The following NUP98 variants were observed in gnomAD, a reference collection of about 807,000 sequenced individuals.
The protein encoded by NUP98 is nucleoporin 98 and 96 precursor.
A neutral mutation model predicts 191.9 loss-of-function variants in NUP98; 26 were observed. The ratio of observed to expected loss-of-function variants is 0.14; its 90% CI spans 0.10 to 0.19. NUP98 has a LOEUF of 0.19. Ranked by LOEUF, NUP98 falls within the 10% of genes least tolerant of loss-of-function variation. The probability of loss-of-function intolerance (pLI) is 1.00; values close to 1 mark genes in which losing one functional copy is unlikely to be tolerated. For synonymous variants in NUP98, 808 were observed against 778.4 expected (o/e 1.04, Z -0.63); for missense variants, 1,941 against 2,178.8 (o/e 0.89, Z 2.17).
At position 3,676,165 on chromosome 11, in the gene NUP98, G is replaced by A; in HGVS notation, c.5397C>T (p.Ser1799=). ...QSYLRELAVG[S]L is the part of the protein sequence containing the mutation. ...GATGCAAAGTGCCTGGGGCTCACAG[G>A]CTCCCAACAGCCAGTTCTCGCAGAT... Residue 1799 remains serine (S), a synonymous_variant, in exon 33 of 33, where the codon AGC becomes AGT. Transcript: ENST00000324932. The A allele has an allele frequency of 6.2e-7, 1 of 1,613,840 alleles. No homozygotes were observed. The highest frequency in any genetic ancestry group is 8.5e-7 in the Non-Finnish European group (1 of 1,179,920).
chr11:3,716,566 G>A (rs558673500), intron 18 of NUP98, among the ~76,000 whole-genome samples: 17 of 152,064 alleles, frequency 1.1e-4, no homozygotes, highest in Admixed American at 3.9e-4. Context: ...AAAATTAGCC[G>A]GGCGTGGTGG....
intron 1 of NUP98, among the ~76,000 whole-genome samples, chr11:3,793,837 G>T (rs56379213): frequency 2.0e-5 from 3 of 151,932 alleles, no homozygotes. Context: ...GGGTGTGGTG[G>T]CACGCACCTG....
chr11:3,678,693 TAA>T, intron 31 of NUP98, among the ~76,000 whole-genome samples: 1 of 152,196 alleles, frequency 6.6e-6, no homozygotes, highest in African/African-American at 2.4e-5. Flanking sequence ...GAACGTGGAA[TAA>T]GAGTGGTAGG....
chr11:3,746,919 A>C (rs112257953), intron 11 of NUP98, among the ~76,000 whole-genome samples: 2,851 of 152,130 alleles, frequency 0.019, 89 homozygotes, highest in African/African-American at 0.065. Context: ...GTCTCAAAAA[A>C]AAAAAAAAAA....
At chr11:3,726,259 T>C (rs1303298622) in intron 14 of NUP98, among the ~76,000 whole-genome samples, 2 of 151,752 alleles carry the variant, frequency 1.3e-5, no homozygotes, top group Non-Finnish European at 2.9e-5. Flanking sequence ...TTTAAATGCA[T>C]ATATTTGAAA....
chr11:3,792,907 C>T (rs979174568), intron 1 of NUP98, among the ~76,000 whole-genome samples: 15 of 151,856 alleles, frequency 9.9e-5, no homozygotes, highest in Non-Finnish European at 2.2e-4. Flanking sequence ...TCACTTGAGG[C>T]CAGGAGTTCA....
chr11:3,769,629 T>C (rs957283484), intron 7 of NUP98, among the ~76,000 whole-genome samples: 2 of 142,014 alleles, frequency 1.4e-5, no homozygotes, highest in African/African-American at 5.3e-5. Flanking sequence ...AATATCAAGA[T>C]TGAAAAGTAC....
intron 20 of NUP98, among the ~76,000 whole-genome samples, chr11:3,709,204 C>A (rs552726682): frequency 2.6e-4 from 39 of 152,224 alleles, no homozygotes; most frequent in Non-Finnish European, 5.4e-4. Flanking sequence ...TCCAATATAA[C>A]TACTATTATT....
intron 29 of NUP98, 95 bp from the exon 30 acceptor site, chr11:3,683,536 A>C (rs1589951744): frequency 7.8e-7 from 1 of 1,288,554 alleles, no homozygotes; most frequent in South Asian, 1.4e-5. Flanking sequence ...AGTCTCTTAA[A>C]CTGCAGGTCT....
chr11:3,683,583 G>A (rs931735373), intron 29 of NUP98, 142 bp from the exon 30 acceptor site: 13 of 864,500 alleles, frequency 1.5e-5, no homozygotes, highest in South Asian at 5.4e-5. Flanking sequence ...TTGTTGCCCA[G>A]GCTGGAGTGC....
At chr11:3,769,935 T>C (rs564969565) in intron 7 of NUP98, among the ~76,000 whole-genome samples, 1 of 151,782 alleles carries the variant, frequency 6.6e-6, no homozygotes, top group African/African-American at 2.4e-5. Context: ...TCCCAGCTAC[T>C]TCAGATGCTG....
intron 1 of NUP98, among the ~76,000 whole-genome samples, chr11:3,790,386 A>G (rs2082296466): frequency 6.6e-6 from 1 of 152,236 alleles, no homozygotes; most frequent in Admixed American, 6.5e-5. Flanking sequence ...GAAGCAGCTT[A>G]GGGCTCTATG....
rs868312310 is a variant in NUP98 at position 3,793,043 on chromosome 11, G to A, written c.-29+4357C>T. On this transcript the variant is annotated intron_variant, in intron 1 of 32. Coordinates refer to ENST00000324932, the MANE Select transcript of NUP98 (RefSeq NM_016320.5). ...GGAGAATTGCTTGAACCTGGGAGGC[G>A]GAGGTTGGAGTACGCTGAGATAGCG... 3.9e-5 allele frequency among the ~76,000 whole-genome samples: 6 copies of A among 152,080 alleles called. No homozygotes were observed. The South Asian group carries it at 6.2e-4, about 16-fold the overall frequency.
At chr11:3,736,104 T>TG (rs971665659) in intron 12 of NUP98, among the ~76,000 whole-genome samples, 3 of 128,168 alleles carry the variant, frequency 2.3e-5, no homozygotes, top group Non-Finnish European at 5.2e-5. Context: ...GTGTGTTTTG[T>TG]TTTTTTTTTC....
intron 22 of NUP98, among the ~76,000 whole-genome samples, chr11:3,703,874 G>A (rs1387307736): frequency 2.0e-5 from 3 of 152,004 alleles, no homozygotes; most frequent in Non-Finnish European, 4.4e-5. Context: ...CTATTATAGG[G>A]ATGGAGTCTT....
chr11:3,707,738 C>T (rs868188996), intron 20 of NUP98, among the ~76,000 whole-genome samples: 1 of 48,568 alleles, frequency 2.1e-5, no homozygotes, highest in African/African-American at 1.1e-4. Flanking sequence ...GACTCTGTCT[C>T]AAAAAAAAAA....
intron 1 of NUP98, among the ~76,000 whole-genome samples, chr11:3,791,397 G>A (rs572083046): frequency 6.6e-6 from 1 of 151,824 alleles, no homozygotes; most frequent in Admixed American, 6.6e-5. Flanking sequence ...AGCCAGGCAT[G>A]GTGGTGGACG....
intron 25 of NUP98, 25 bp downstream of exon 25, chr11:3,699,057 G>C: frequency 1.2e-6 from 2 of 1,609,728 alleles, no homozygotes; most frequent in South Asian, 1.1e-5. Context: ...CAGAGGCGCA[G>C]AGAAGGACCA....
chr11:3,692,468 A>G (rs1842787115), intron 27 of NUP98, among the ~76,000 whole-genome samples: 1 of 152,114 alleles, frequency 6.6e-6, no homozygotes, highest in Non-Finnish European at 1.5e-5. Flanking sequence ...TCTACTAAAA[A>G]TACAAAAAAT....
Sources: gnomAD v4.1 joint callset for allele counts (sites outside exome capture counted in the v4.1 genomes callset) on GRCh38, gnomAD v4.1.1 for gene constraint, MANE v1.5 for transcripts, NCBI Gene and HGNC (gene_info 2026-07-23, HGNC 2026-07-21) for gene names.